The following SIK3 variants were observed in gnomAD, a reference collection of about 807,000 sequenced individuals.
SIK3 encodes the protein SIK family kinase 3.
SIK3 carries 28 observed loss-of-function variants against 144.2 expected under a neutral mutation model. That is an observed-to-expected ratio of 0.19 (90% CI 0.14 to 0.27). The LOEUF is 0.27. SIK3 is among the 10% of genes least tolerant of loss of function. SIK3 has a pLI of 1.00. For missense variants in SIK3, 1,319 were observed against 1,776.0 expected (o/e 0.74, Z 4.62); for synonymous variants, 686 against 676.3 (o/e 1.01, Z -0.22).
At chr11:117,084,966 C>A (rs545055789) in intron 1 of SIK3, among the ~76,000 whole-genome samples, 4 of 152,094 alleles carry the variant, frequency 2.6e-5, no homozygotes, top group African/African-American at 7.2e-5. Context: ...CTTGGCCCTG[C>A]ATCAACAGGT....
intron 1 of SIK3, among the ~76,000 whole-genome samples, chr11:116,995,878 G>C (rs1288609822): frequency 1.3e-5 from 2 of 152,092 alleles, no homozygotes; most frequent in East Asian, 3.9e-4. Flanking sequence ...AGTCAGGTGT[G>C]GTAGAACCTG....
At chr11:117,059,090 A>G (rs2135947277) in intron 1 of SIK3, among the ~76,000 whole-genome samples, 1 of 152,356 alleles carries the variant, frequency 6.6e-6, no homozygotes, top group Non-Finnish European at 1.5e-5. Context: ...AAGAACTGAA[A>G]AGACAGGAAA....
chr11:116,948,630 C>A (rs558559380), intron 3 of SIK3, among the ~76,000 whole-genome samples: 1 of 152,056 alleles, frequency 6.6e-6, no homozygotes, highest in Non-Finnish European at 1.5e-5. Context: ...ACTTCTGATT[C>A]TAGTCATTTC....
At chr11:116,905,022 T>C (rs1456659524) in intron 4 of SIK3, 1 of 167,078 alleles carries the variant, frequency 6.0e-6, no homozygotes, top group Non-Finnish European at 1.5e-5. Flanking sequence ...GAAAAGGCAG[T>C]GAAAAAACCA....
At chr11:117,077,242 T>C (rs1031280400) in intron 1 of SIK3, among the ~76,000 whole-genome samples, 6 of 152,324 alleles carry the variant, frequency 3.9e-5, no homozygotes, top group African/African-American at 1.4e-4. Context: ...ACCTCCATTC[T>C]TGCTCCCTAT....
intron 1 of SIK3, among the ~76,000 whole-genome samples, chr11:117,065,042 G>A (rs1591638850): frequency 6.6e-6 from 1 of 151,992 alleles, no homozygotes; most frequent in South Asian, 2.1e-4. Context: ...CCAGCTACTC[G>A]GGAGGCTGAG....
At chr11:117,007,312 A>G (rs1310820495) in intron 1 of SIK3, among the ~76,000 whole-genome samples, 1 of 152,230 alleles carries the variant, frequency 6.6e-6, no homozygotes, top group Non-Finnish European at 1.5e-5. Context: ...TGGGAGGCAG[A>G]GGTTGCAGTG....
At chr11:116,852,260 T>C (rs1212247178) in intron 21 of SIK3, among the ~76,000 whole-genome samples, 1 of 152,224 alleles carries the variant, frequency 6.6e-6, no homozygotes. Flanking sequence ...ATGGGGCCTC[T>C]GCAAACCAAA....
intron 1 of SIK3, among the ~76,000 whole-genome samples, chr11:116,967,336 G>A (rs989836881): frequency 6.6e-6 from 1 of 152,224 alleles, no homozygotes; most frequent in African/African-American, 2.4e-5. Flanking sequence ...AAAGAGAGCT[G>A]AACTCAACTG....
intron 1 of SIK3, among the ~76,000 whole-genome samples, chr11:117,043,807 C>T (rs879284518): frequency 1.3e-5 from 2 of 152,220 alleles, no homozygotes; most frequent in Non-Finnish European, 2.9e-5. Flanking sequence ...TTCTGTCAGC[C>T]ATCTCAAATC....
intron 3 of SIK3, chr11:116,950,116 T>C (rs1359242041): frequency 2.1e-6 from 1 of 470,824 alleles, no homozygotes; most frequent in East Asian, 6.9e-5. Context: ...ATCTGGGTCC[T>C]AGTATTCTCG....
At chr11:117,069,964 C>T (rs1056629951) in intron 1 of SIK3, among the ~76,000 whole-genome samples, 4 of 152,146 alleles carry the variant, frequency 2.6e-5, no homozygotes, top group Non-Finnish European at 5.9e-5. Context: ...TTACATTCTC[C>T]GCTTCCCATT....
chr11:116,858,787 C>T lies in SIK3; in HGVS notation c.2766-88G>A, dbSNP rs1943142095. 1 of 1,495,448 alleles carries T rather than the reference C, an allele frequency of 6.7e-7. No individual in the cohort carries two copies. The highest frequency in any genetic ancestry group is 1.4e-5 in the African/African-American group (1 of 71,422). 92.6% of individuals were successfully genotyped at this position (1,495,448 alleles called of 1,614,324 possible). ...CTCCTCCTCCTCAGTAGGGAGAACC[C>T]ACTGGTACAGAGAACTGTGGTGTGA... On this transcript the variant is annotated intron_variant, in intron 20 of 24. Coordinates refer to ENST00000445177, the MANE Select transcript of SIK3 (RefSeq NM_001366686.3). The surrounding 1 kb of genome is among the most constrained non-coding windows in gnomAD (Gnocchi z 5.4).
chr11:117,023,621 A>ATATATAT (rs1555131640), intron 1 of SIK3, among the ~76,000 whole-genome samples: 40 of 95,394 alleles, frequency 4.2e-4, no homozygotes, highest in South Asian at 1.5e-3. Flanking sequence ...AAAAAAAAAA[A>ATATATAT]ATATATATAT....
intron 1 of SIK3, among the ~76,000 whole-genome samples, chr11:117,038,990 C>T (rs1041935464): frequency 6.6e-6 from 1 of 151,924 alleles, no homozygotes; most frequent in Non-Finnish European, 1.5e-5. Flanking sequence ...GCGGAGGCTG[C>T]AGGGAGCTGA....
At chr11:116,949,079 T>G (rs118162456) in intron 3 of SIK3, among the ~76,000 whole-genome samples, 2,464 of 152,116 alleles carry the variant, frequency 0.016, 33 homozygotes, top group Non-Finnish European at 0.026. Context: ...TACGGCATAC[T>G]AAAACTCATG....
chr11:117,014,326 C>A (rs1172565773), intron 1 of SIK3, among the ~76,000 whole-genome samples: 1 of 151,930 alleles, frequency 6.6e-6, no homozygotes, highest in Non-Finnish European at 1.5e-5. Context: ...CAACTAATAC[C>A]TAGTTATCTA....
At chr11:116,934,132 C>T (rs904914537) in intron 3 of SIK3, among the ~76,000 whole-genome samples, 1 of 152,202 alleles carries the variant, frequency 6.6e-6, no homozygotes, top group Non-Finnish European at 1.5e-5. Flanking sequence ...ATGACACATT[C>T]TACCCTACTT....
intron 1 of SIK3, among the ~76,000 whole-genome samples, chr11:117,048,465 T>G (rs1410957506): frequency 6.6e-6 from 1 of 152,074 alleles, no homozygotes; most frequent in Admixed American, 6.5e-5. Context: ...GAGACCAGCC[T>G]GACCAACATG....
Sources: gnomAD v4.1 joint callset for allele counts (sites outside exome capture counted in the v4.1 genomes callset) on GRCh38, gnomAD v4.1.1 for gene constraint, Gnocchi (gnomAD v3.1) non-coding constraint, MANE v1.5 for transcripts, NCBI Gene and HGNC (gene_info 2026-07-23, HGNC 2026-07-21) for gene names.